Variants in GPR158 observed in about 807,000 individuals in gnomAD.
GPR158 encodes the protein G protein-coupled receptor 158, also known as metabotropic glycine receptor.
A neutral mutation model predicts 78.2 loss-of-function variants in GPR158; 30 were observed. The observed-to-expected ratio is 0.38, with a 90% CI of 0.29 to 0.52. The LOEUF is 0.52. Ranked by LOEUF, GPR158 falls within the 20% of genes least tolerant of loss-of-function variation. The pLI is 0.83. For missense variants in GPR158, 1,463 were observed against 1,523.5 expected (o/e 0.96, Z 0.66); for synonymous variants, 581 against 591.1 (o/e 0.98, Z 0.25).
intron 5 of GPR158, among the ~76,000 whole-genome samples, chr10:25,486,894 C>A (rs1835742765): frequency 6.6e-6 from 1 of 151,336 alleles, no homozygotes; most frequent in South Asian, 2.1e-4. Flanking sequence ...ATTTTCTATT[C>A]TTTGAGCTTT....
chr10:25,303,017 G>A (rs902833701), intron 2 of GPR158, among the ~76,000 whole-genome samples: 1 of 152,158 alleles, frequency 6.6e-6, no homozygotes, highest in Non-Finnish European at 1.5e-5. Context: ...GTGGCATTAG[G>A]CAAAGACTCT....
chr10:25,516,324 T>C (rs1417521948), intron 5 of GPR158, among the ~76,000 whole-genome samples: 1 of 150,012 alleles, frequency 6.7e-6, no homozygotes, highest in African/African-American at 2.5e-5. Context: ...GTAGGTTGCC[T>C]GTTCACTCTG....
chr10:25,210,894 G>A (rs570058580), intron 1 of GPR158, among the ~76,000 whole-genome samples: 96 of 152,280 alleles, frequency 6.3e-4, no homozygotes, highest in Admixed American at 3.4e-3. Flanking sequence ...AGCACTTTGG[G>A]AGGCCGAGGT....
At chr10:25,435,428 G>A (rs1441188439) in intron 4 of GPR158, among the ~76,000 whole-genome samples, 1 of 152,112 alleles carries the variant, frequency 6.6e-6, no homozygotes, top group Non-Finnish European at 1.5e-5. Context: ...AGGAGGTGGG[G>A]ATGGGGGGAA....
chr10:25,437,573 T>A (rs1435004513), intron 4 of GPR158, among the ~76,000 whole-genome samples: 1 of 152,220 alleles, frequency 6.6e-6, no homozygotes, highest in Non-Finnish European at 1.5e-5. Flanking sequence ...CAGGAACAAC[T>A]GTCTATTCAT....
chr10:25,540,026 A>G (rs1471339219), intron 5 of GPR158, among the ~76,000 whole-genome samples: 1 of 152,296 alleles, frequency 6.6e-6, no homozygotes, highest in African/African-American at 2.4e-5. Context: ...AGAATGGGAG[A>G]AAATTTTCGC....
chr10:25,574,723 A>G (rs1370805435), intron 7 of GPR158, among the ~76,000 whole-genome samples: 5 of 152,124 alleles, frequency 3.3e-5, no homozygotes, highest in Admixed American at 2.6e-4. Flanking sequence ...CGTCTCTACT[A>G]AAAATACAAA....
chr10:25,234,226 C>T (rs1249189471), intron 2 of GPR158, among the ~76,000 whole-genome samples: 7 of 152,158 alleles, frequency 4.6e-5, no homozygotes, highest in Non-Finnish European at 8.8e-5. Context: ...TTCTGTGATT[C>T]GACTGGCAGA....
intron 5 of GPR158, among the ~76,000 whole-genome samples, chr10:25,541,753 C>T (rs1190956826): frequency 6.6e-6 from 1 of 151,756 alleles, no homozygotes; most frequent in Non-Finnish European, 1.5e-5. Context: ...AGAGGTTACA[C>T]ACAAGGTTTA....
chr10:25,236,186 A>G (rs937907517), intron 2 of GPR158, among the ~76,000 whole-genome samples: 1 of 152,218 alleles, frequency 6.6e-6, no homozygotes, highest in Non-Finnish European at 1.5e-5. Flanking sequence ...AAGGCATTTA[A>G]AAAGTATTTG....
chr10:25,535,114 G>A (rs1836482761), intron 5 of GPR158, among the ~76,000 whole-genome samples: 1 of 152,050 alleles, frequency 6.6e-6, no homozygotes, highest in African/African-American at 2.4e-5. Flanking sequence ...TACATCATTT[G>A]CTTTGAACCC....
intron 2 of GPR158, among the ~76,000 whole-genome samples, chr10:25,377,835 A>C (rs1424405831): frequency 6.6e-6 from 1 of 152,072 alleles, no homozygotes; most frequent in Admixed American, 6.6e-5. Context: ...GCTACTATGA[A>C]AATTTTTGTG....
In GPR158 at chr10:25,472,643, C is replaced by T. The variant is rs565509653; in HGVS notation, c.1404+5924C>T. Among the ~76,000 whole-genome samples, 8 of 152,250 alleles carry T rather than the reference C, an allele frequency of 5.3e-5. No individual in the cohort carries two copies. In the East Asian group the frequency reaches 1.4e-3, roughly 26 times the overall value. ...TTGTGTCCTCTTTTATTTCCTTGAG[C>T]AGCGGTTTGTAGTTCTCCTTGAAGA... On this transcript the variant is annotated intron_variant, in intron 5 of 10. Transcript: ENST00000376351.
chr10:25,357,903 G>C (rs957817666), intron 2 of GPR158, among the ~76,000 whole-genome samples: 1 of 152,086 alleles, frequency 6.6e-6, no homozygotes, highest in Non-Finnish European at 1.5e-5. Flanking sequence ...AAAAGCTGCA[G>C]ACACTCAACA....
chr10:25,394,386 A>G (rs749186999), intron 2 of GPR158, among the ~76,000 whole-genome samples: 3 of 152,266 alleles, frequency 2.0e-5, no homozygotes, highest in Non-Finnish European at 2.9e-5. Flanking sequence ...TGCTCTTTCC[A>G]TAATACTAGT....
intron 2 of GPR158, among the ~76,000 whole-genome samples, chr10:25,368,781 A>ATG (rs1833943914): frequency 1.2e-5 from 1 of 83,506 alleles, no homozygotes; most frequent in Admixed American, 1.0e-4. Context: ...CCATTTTCAT[A>ATG]TTGATTCTTC....
At chr10:25,358,902 G>A (rs1159074489) in intron 2 of GPR158, among the ~76,000 whole-genome samples, 1 of 151,998 alleles carries the variant, frequency 6.6e-6, no homozygotes, top group African/African-American at 2.4e-5. Context: ...ACTGAAGAAT[G>A]TTCCATGTGT....
chr10:25,302,795 GCTGT>G (rs1182758313), intron 2 of GPR158, among the ~76,000 whole-genome samples: 30 of 152,260 alleles, frequency 2.0e-4, no homozygotes, highest in African/African-American at 7.2e-4. Context: ...GCATATCTGA[GCTGT>G]CTCTTATGGT....
At chr10:25,347,676 C>A (rs1379659410) in intron 2 of GPR158, among the ~76,000 whole-genome samples, 1 of 152,018 alleles carries the variant, frequency 6.6e-6, no homozygotes, top group African/African-American at 2.4e-5. Context: ...ATGGCATAGG[C>A]CACATATTTT....
Sources: allele counts gnomAD v4.1 joint callset (sites outside exome capture counted in the v4.1 genomes callset), GRCh38; gene constraint gnomAD v4.1.1; transcripts MANE v1.5; gene names NCBI Gene and HGNC (gene_info 2026-07-23, HGNC 2026-07-21).